Variants in PAG1 observed in about 807,000 individuals in gnomAD.
The protein encoded by PAG1 is phosphoprotein associated with glycosphingolipid-enriched microdomains 1.
In PAG1, 23 loss-of-function variants were observed where a neutral mutation model predicts 31.7. The ratio of observed to expected loss-of-function variants is 0.73; its 90% confidence interval spans 0.52 to 1.03. The LOEUF (loss-of-function observed/expected upper bound fraction) is 1.03. PAG1 is among the 50% of genes least tolerant of loss of function. The pLI, the probability that PAG1 is intolerant of heterozygous loss-of-function variation, is 0.00. For missense variants in PAG1, 473 were observed against 540.7 expected (o/e 0.87, Z 1.24); for synonymous variants, 214 against 210.3 (o/e 1.02, Z -0.15).
chr8:81,049,098 G>T lies in PAG1; in HGVS notation c.-174-19009C>A, dbSNP rs373932998. 4.4e-4 allele frequency among the ~76,000 whole-genome samples: 67 copies of T among 152,296 alleles called. 3 individuals are homozygous for T. In the South Asian group the frequency reaches 0.014, roughly 31 times the overall value. ...AATATATGCTCTATACTGTGATCCT[G>T]CAGAGCAAACCTAATTACACATTGA... On this transcript the variant is annotated intron_variant, in intron 2 of 8. Coordinates refer to ENST00000220597, the MANE Select transcript of PAG1 (RefSeq NM_018440.4).
Position 80,984,778 on chromosome 8 carries a change from T to C in PAG1, c.874A>G (p.Lys292Glu). 1.2e-6 allele frequency: 2 copies of C among 1,612,586 alleles called. No individual in the cohort carries two copies. Among genetic ancestry groups the C allele is most frequent in the Non-Finnish European group, 1.7e-6 (2 of 1,179,074 alleles). ...AAAACAAAAACGCCAGTGCCCACCT[T>C]GTTAGTTTCACTGGTCGTGTCTGTG... ...SATDTTSETN[K>E]RFSSLSYKSR... Residue 292 changes from lysine (K) to glutamate (E), a missense_variant and splice_region_variant, in exon 7 of 9, where the codon AAG becomes GAG. Lys to Glu is a moderately conservative substitution (Grantham distance 56, BLOSUM62 1). Transcript: ENST00000220597.
At chr8:81,044,786 T>C (rs1186381050) in intron 2 of PAG1, among the ~76,000 whole-genome samples, 3 of 152,154 alleles carry the variant, frequency 2.0e-5, no homozygotes, top group Non-Finnish European at 2.9e-5. Context: ...ATGTTTCCTA[T>C]GTCAGTGCAT....
intron 1 of PAG1, among the ~76,000 whole-genome samples, chr8:81,077,288 C>T (rs1809194378): frequency 6.6e-6 from 1 of 152,204 alleles, no homozygotes; most frequent in South Asian, 2.1e-4. Context: ...AAGTTTGGGA[C>T]CCAGACAGCC....
At chr8:81,101,092 G>A (rs1241178439) in intron 1 of PAG1, among the ~76,000 whole-genome samples, 1 of 152,206 alleles carries the variant, frequency 6.6e-6, no homozygotes, top group Non-Finnish European at 1.5e-5. Context: ...AAGAATGGTG[G>A]TAGCGAAACC....
chr8:80,982,568 A>G (rs865913216), intron 7 of PAG1, among the ~76,000 whole-genome samples: 5 of 152,126 alleles, frequency 3.3e-5, no homozygotes, highest in East Asian at 1.9e-4. Context: ...GATGACTCCC[A>G]CATCAGCAAA....
At chr8:81,015,543 A>G (rs1457552538) in intron 3 of PAG1, among the ~76,000 whole-genome samples, 2 of 141,412 alleles carry the variant, frequency 1.4e-5, no homozygotes, top group Non-Finnish European at 3.2e-5. Flanking sequence ...TGTAAGAAGC[A>G]CTTGGAGGTT....
intron 3 of PAG1, among the ~76,000 whole-genome samples, chr8:81,022,635 T>C (rs923975017): frequency 1.6e-4 from 24 of 152,210 alleles, no homozygotes; most frequent in African/African-American, 5.3e-4. Context: ...GGGAAAATTG[T>C]ACTAATTTAT....
At chr8:81,060,707 G>A (rs1261384822) in intron 2 of PAG1, among the ~76,000 whole-genome samples, 1 of 152,212 alleles carries the variant, frequency 6.6e-6, no homozygotes, top group Non-Finnish European at 1.5e-5. Flanking sequence ...CAATGAGCAG[G>A]AGTCTCACTA....
At chr8:81,089,766 G>T (rs957674259) in intron 1 of PAG1, among the ~76,000 whole-genome samples, 1 of 152,116 alleles carries the variant, frequency 6.6e-6, no homozygotes, top group Non-Finnish European at 1.5e-5. Flanking sequence ...TGAAAAGACA[G>T]TTTAGAACAA....
rs1453334440 is a variant in PAG1 at position 80,969,991 on chromosome 8, G to A, written c.*6553C>T. Reference sequence around the variant, plus strand: ...ACTCACAGTTTTCTTAGGTCCTGGGGGATCAGAGCAAACTGGCTGTAACTT... The same window carrying A: ...ACTCACAGTTTTCTTAGGTCCTGGGAGATCAGAGCAAACTGGCTGTAACTT... On this transcript the variant is annotated 3_prime_UTR_variant, in exon 9 of 9. Transcript: ENST00000220597. 1.3e-5 allele frequency: 2 copies of A among 152,184 alleles called. No homozygotes were observed. The highest frequency in any genetic ancestry group is 2.9e-5 in the Non-Finnish European group (2 of 68,066). 9.4% of individuals were successfully genotyped at this position (152,184 alleles called of 1,614,324 possible).
At chr8:81,022,718 G>A (rs925185837) in intron 3 of PAG1, among the ~76,000 whole-genome samples, 3 of 152,030 alleles carry the variant, frequency 2.0e-5, no homozygotes, top group African/African-American at 7.3e-5. Flanking sequence ...AACAGTATAG[G>A]GATTTGTTTA....
intron 1 of PAG1, among the ~76,000 whole-genome samples, chr8:81,109,312 C>T (rs1809739074): frequency 6.6e-6 from 1 of 152,322 alleles, no homozygotes; most frequent in East Asian, 1.9e-4. Context: ...AATGCAACTA[C>T]TTCATTTGCA....
intron 1 of PAG1, among the ~76,000 whole-genome samples, chr8:81,104,388 T>C (rs1172216422): frequency 4.4e-4 from 4 of 9,162 alleles, no homozygotes; most frequent in African/African-American, 1.0e-3. Context: ...CCTTCGTCCT[T>C]TTTTTTTTTT....
chr8:80,987,988 C>T (rs1202481468), intron 5 of PAG1, among the ~76,000 whole-genome samples: 1 of 152,162 alleles, frequency 6.6e-6, no homozygotes, highest in Non-Finnish European at 1.5e-5. Flanking sequence ...ATTTCAAGCG[C>T]TCAATAGCCA....
intron 2 of PAG1, among the ~76,000 whole-genome samples, chr8:81,043,894 A>G (rs1808597055): frequency 6.6e-6 from 1 of 152,192 alleles, no homozygotes; most frequent in East Asian, 1.9e-4. Flanking sequence ...GGAATTCTTA[A>G]ATATCCTTCT....
chr8:81,029,676 A>C lies in PAG1; in HGVS notation c.-81+320T>G, dbSNP rs907428152. On this transcript the variant is annotated intron_variant, in intron 3 of 8. Transcript: ENST00000220597. ...GATGAAATGTTATTTTCATAATCGA[A>C]CCCCGCTGGCTTTTGTGTTCACGAG... 5 of 152,238 alleles carry C rather than the reference A, an allele frequency of 3.3e-5. No individual in the cohort carries two copies. The South Asian group carries it at 6.2e-4, about 19-fold the overall frequency. The allele number at this position is 152,238 out of a possible 1,614,324, so 9.4% of individuals were successfully genotyped here.
chr8:81,083,646 C>T (rs1181873085), intron 1 of PAG1, among the ~76,000 whole-genome samples: 2 of 152,112 alleles, frequency 1.3e-5, no homozygotes, highest in Non-Finnish European at 2.9e-5. Context: ...CTTTTCTAGT[C>T]CTCTGGTTTC....
At chr8:81,052,231 T>C (rs1808745350) in intron 2 of PAG1, among the ~76,000 whole-genome samples, 1 of 152,158 alleles carries the variant, frequency 6.6e-6, no homozygotes, top group Non-Finnish European at 1.5e-5. Flanking sequence ...TTTTCATAGC[T>C]AAAACCTATT....
chr8:81,100,373 G>A (rs1563430727), intron 1 of PAG1, among the ~76,000 whole-genome samples: 3 of 152,196 alleles, frequency 2.0e-5, no homozygotes. Context: ...AAATTAAACA[G>A]ACATCCCCTA....
Sources: gnomAD v4.1 joint callset for allele counts (sites outside exome capture counted in the v4.1 genomes callset) on GRCh38, gnomAD v4.1.1 for gene constraint, MANE v1.5 for transcripts, NCBI Gene and HGNC (gene_info 2026-07-23, HGNC 2026-07-21) for gene names.